The following CCDC73 variants were observed in gnomAD, a reference collection of about 807,000 sequenced individuals.
CCDC73 encodes coiled-coil domain-containing protein 73.
A neutral mutation model predicts 116.5 loss-of-function variants in CCDC73; 95 were observed. That is an observed-to-expected ratio of 0.82 (90% confidence interval 0.69 to 0.97). CCDC73 has a LOEUF of 0.97. Among genes scored for constraint, CCDC73 ranks in the 50% least tolerant of loss-of-function variants. CCDC73 has a pLI of 0.00. For missense variants in CCDC73, 1,066 were observed against 1,206.8 expected, an observed-to-expected ratio of 0.88 and a Z score of 1.73; for synonymous variants, 398 against 401.3, an observed-to-expected ratio of 0.99 and a Z score of 0.10.
chr11:32,830,489 T>C, the CCDC73 span: 1 of 1,439,850 alleles, frequency 6.9e-7, no homozygotes, highest in East Asian at 2.5e-5. Flanking sequence ...TTTTTAATAT[T>C]TTTTTTTGTT....
chr11:32,747,363 T>G (rs915235772), intron 2 of CCDC73, among the ~76,000 whole-genome samples: 2 of 152,072 alleles, frequency 1.3e-5, no homozygotes, highest in Non-Finnish European at 2.9e-5. Flanking sequence ...TACTGGGAGA[T>G]CTCCCAGTCA....
intron 2 of CCDC73, among the ~76,000 whole-genome samples, chr11:32,750,008 T>C (rs1017135900): frequency 9.3e-5 from 14 of 150,942 alleles, no homozygotes; most frequent in Non-Finnish European, 1.3e-4. Flanking sequence ...GTAGCTGGGA[T>C]TACAGGCACC....
chr11:32,627,493 G>T (rs1038036909), intron 14 of CCDC73, among the ~76,000 whole-genome samples: 2 of 152,222 alleles, frequency 1.3e-5, no homozygotes, highest in African/African-American at 4.8e-5. Context: ...GGATTATAAA[G>T]CATGCTGTTA....
chr11:32,715,835 T>C (rs190922153), intron 3 of CCDC73, among the ~76,000 whole-genome samples: 8 of 152,298 alleles, frequency 5.3e-5, no homozygotes, highest in Non-Finnish European at 1.0e-4. Flanking sequence ...TCTGAGACAA[T>C]AGTTTATTTG....
chr11:32,666,437 C>G (rs1341526169), intron 9 of CCDC73, among the ~76,000 whole-genome samples: 1 of 152,164 alleles, frequency 6.6e-6, no homozygotes, highest in African/African-American at 2.4e-5. Context: ...ACTCTTTCTT[C>G]CAGTTAATCG....
At chr11:32,607,358 C>T (rs1454588280) in intron 17 of CCDC73, among the ~76,000 whole-genome samples, 1 of 151,982 alleles carries the variant, frequency 6.6e-6, no homozygotes, top group East Asian at 1.9e-4. Context: ...TCCCAAAGTG[C>T]TGGGATTACA....
At chr11:32,620,108 T>A (rs1357892341) in intron 14 of CCDC73, among the ~76,000 whole-genome samples, 1 of 152,166 alleles carries the variant, frequency 6.6e-6, no homozygotes, top group Non-Finnish European at 1.5e-5. Context: ...AGTGGTTGGC[T>A]TGATGGTTCT....
At chr11:32,801,406 G>A in the CCDC73 span, among the ~76,000 whole-genome samples, 1 of 152,162 alleles carries the variant, frequency 6.6e-6, no homozygotes, top group Non-Finnish European at 1.5e-5. Flanking sequence ...ATTTTGGGAG[G>A]CCAAGGCGGG....
intron 2 of CCDC73, among the ~76,000 whole-genome samples, chr11:32,734,931 T>A (rs999451020): frequency 1.4e-4 from 22 of 152,156 alleles, no homozygotes; most frequent in African/African-American, 5.3e-4. Context: ...CATGATTATC[T>A]CAATAGATGC....
intron 7 of CCDC73, among the ~76,000 whole-genome samples, chr11:32,677,156 C>A (rs922115643): frequency 2.6e-5 from 4 of 152,160 alleles, no homozygotes. Flanking sequence ...TGAACTGGCA[C>A]TCAATAATTG....
intron 14 of CCDC73, among the ~76,000 whole-genome samples, chr11:32,630,243 C>T (rs192490877): frequency 8.5e-5 from 13 of 152,222 alleles, no homozygotes; most frequent in African/African-American, 2.2e-4. Flanking sequence ...AAAGTATACA[C>T]GATAAATTAA....
At chr11:32,724,354 A>G (rs1446273859) in intron 2 of CCDC73, among the ~76,000 whole-genome samples, 1 of 152,156 alleles carries the variant, frequency 6.6e-6, no homozygotes, top group Non-Finnish European at 1.5e-5. Context: ...ATTATGATAC[A>G]TAATACATAC....
intron 14 of CCDC73, among the ~76,000 whole-genome samples, chr11:32,617,415 T>G (rs879796459): frequency 2.6e-5 from 4 of 152,226 alleles, no homozygotes; most frequent in Non-Finnish European, 4.4e-5. Context: ...TTCTATGCTA[T>G]TTCATTTCAT....
chr11:32,806,080 G>T, the CCDC73 span, among the ~76,000 whole-genome samples: 7 of 152,296 alleles, frequency 4.6e-5, no homozygotes, highest in Middle Eastern at 6.8e-3. Context: ...TTGTTATGAA[G>T]TAGTAAACTA....
At chr11:32,682,184 T>C (rs1039706273) in intron 7 of CCDC73, 1 of 152,012 alleles carries the variant, frequency 6.6e-6, no homozygotes, top group South Asian at 2.1e-4. Context: ...ACACATTTTA[T>C]GTTGCCTTTG....
intron 2 of CCDC73, 59 bp downstream of exon 2, chr11:32,760,050 A>C (rs1850377853): frequency 2.1e-6 from 3 of 1,413,812 alleles, no homozygotes; most frequent in Non-Finnish European, 2.0e-6. Flanking sequence ...TTAAAAAACA[A>C]TAAACTGAAC....
At chr11:32,753,366 C>A (rs1408251308) in intron 2 of CCDC73, among the ~76,000 whole-genome samples, 3 of 150,004 alleles carry the variant, frequency 2.0e-5, no homozygotes, top group Non-Finnish European at 4.4e-5. Flanking sequence ...GACACAAACA[C>A]AGCTCACTGC....
intron 14 of CCDC73, among the ~76,000 whole-genome samples, chr11:32,632,026 ATTTGAGAAT>A (rs1855636417): frequency 6.6e-6 from 1 of 152,208 alleles, no homozygotes; most frequent in Admixed American, 6.5e-5. Flanking sequence ...ATTTCCAAAC[ATTTGAGAAT>A]TTTCCAAATA....
chr11:32,690,125 A>C lies in CCDC73; in HGVS notation c.391-6551T>G, dbSNP rs566905619. On this transcript the variant is annotated intron_variant, in intron 6 of 17. Transcript: ENST00000335185. ...TTAGGAGTTTGAAAGGAGAAAATAT[A>C]AAGACTCGTTGGGGAAGGTAATACT... 3.5e-3 allele frequency among the ~76,000 whole-genome samples: 538 copies of C among 152,314 alleles called. 6 individuals carry two copies. Among genetic ancestry groups the C allele is most frequent in the African/African-American group, 0.012 (519 of 41,590 alleles).
Sources: gnomAD v4.1 joint callset for allele counts (sites outside exome capture counted in the v4.1 genomes callset) on GRCh38, gnomAD v4.1.1 for gene constraint, MANE v1.5 for transcripts, NCBI Gene and HGNC (gene_info 2026-07-23, HGNC 2026-07-21) for gene names.